Variants in AP3M1 observed in about 807,000 individuals in gnomAD.
AP3M1 encodes the protein AP-3 complex subunit mu-1.
A neutral mutation model predicts 42.6 loss-of-function variants in AP3M1; 29 were observed. That is an observed-to-expected ratio of 0.68 (90% CI 0.51 to 0.93). The LOEUF is 0.93. Among genes scored for constraint, AP3M1 ranks in the 40% least tolerant of loss-of-function variants. The probability of loss-of-function intolerance (pLI) is 0.00; values close to 1 mark genes in which losing one functional copy is unlikely to be tolerated. For synonymous variants in AP3M1, 178 were observed against 175.3 expected (o/e 1.02, Z -0.12); for missense variants, 416 against 510.2 (o/e 0.82, Z 1.78).
rs1256674665 is a variant in AP3M1 at position 74,122,081 on chromosome 10, A to G, written c.*1729T>C. 6.6e-6 allele frequency: 1 copy of G among 152,214 alleles called. No homozygotes were observed. Among genetic ancestry groups the G allele is most frequent in the Non-Finnish European group, 1.5e-5 (1 of 68,042 alleles). The allele number at this position is 152,214 out of a possible 1,614,324, so 9.4% of individuals were successfully genotyped here. A position where few individuals can be genotyped will look rare whatever the true frequency, so the allele number is the denominator to read the frequency against. Reference sequence around the variant, plus strand: ...GTCAAGACATTAAAAATAAAAAGCAATTGAACCGGGTAGCCAAACTTAGGC... The same window carrying G: ...GTCAAGACATTAAAAATAAAAAGCAGTTGAACCGGGTAGCCAAACTTAGGC... On this transcript the variant is annotated 3_prime_UTR_variant, in exon 9 of 9. Transcript: ENST00000355264.
chr10:74,133,556 G>A (rs531000075), intron 4 of AP3M1, among the ~76,000 whole-genome samples: 4 of 152,000 alleles, frequency 2.6e-5, no homozygotes, highest in South Asian at 4.2e-4. Flanking sequence ...GTGAGACCCC[G>A]TCTCAAATAA....
intron 1 of AP3M1, among the ~76,000 whole-genome samples, chr10:74,148,425 C>T (rs1841401484): frequency 6.6e-6 from 1 of 152,150 alleles, no homozygotes; most frequent in Non-Finnish European, 1.5e-5. Flanking sequence ...GGAGAGAGGT[C>T]ATTTCCAAAG....
intron 6 of AP3M1, among the ~76,000 whole-genome samples, chr10:74,126,802 C>T (rs1270298173): frequency 6.6e-6 from 1 of 151,042 alleles, no homozygotes; most frequent in African/African-American, 2.4e-5. Flanking sequence ...GAAACCTCGT[C>T]TCTACTAAAA....
At chr10:74,128,642 T>C (rs903950726) in intron 6 of AP3M1, among the ~76,000 whole-genome samples, 2 of 152,070 alleles carry the variant, frequency 1.3e-5, no homozygotes, top group Non-Finnish European at 2.9e-5. Context: ...TCTGTCTCCT[T>C]GTTGGCCACA....
rs529931208 is a variant in AP3M1, at chr10:74,134,413, T to G, written c.446-249A>C. 3.9e-5 allele frequency among the ~76,000 whole-genome samples: 6 copies of G among 152,352 alleles called. No individual in the cohort carries two copies. The East Asian group carries it at 1.2e-3, about 29-fold the overall frequency. ...TTATTTACTTATCTTTTGCCTCCTG[T>G]GTGTTAACAGTAATCTAATCTAATT... On this transcript the variant is annotated intron_variant, in intron 3 of 8. Coordinates refer to ENST00000355264, the MANE Select transcript of AP3M1 (RefSeq NM_012095.6).
At chr10:74,128,427 CAG>C (rs1232401828) in intron 6 of AP3M1, among the ~76,000 whole-genome samples, 1 of 151,892 alleles carries the variant, frequency 6.6e-6, no homozygotes, top group African/African-American at 2.4e-5. Flanking sequence ...TTAGTAGAGA[CAG>C]GGTTTCACCA....
intron 6 of AP3M1, among the ~76,000 whole-genome samples, chr10:74,127,118 A>C (rs1840642171): frequency 6.6e-6 from 1 of 152,130 alleles, no homozygotes; most frequent in Non-Finnish European, 1.5e-5. Flanking sequence ...TAAAGTATAC[A>C]GGAGGATGTG....
intron 1 of AP3M1, among the ~76,000 whole-genome samples, chr10:74,145,623 CATT>C (rs1205605352): frequency 6.6e-6 from 1 of 152,130 alleles, no homozygotes; most frequent in Admixed American, 6.6e-5. Flanking sequence ...ACTACACACT[CATT>C]ATTACCACAA....
Position 74,135,104 on chromosome 10 carries a change from C to A in AP3M1, c.446-940G>T, listed in dbSNP as rs891322719. 2.0e-5 allele frequency among the ~76,000 whole-genome samples: 3 copies of A among 152,156 alleles called. No individual in the cohort carries two copies. In the East Asian group the frequency reaches 5.8e-4, roughly 29 times the overall value. On this transcript the variant is annotated intron_variant, in intron 3 of 8. Transcript: ENST00000355264. ...GGTGTTCCTACCTGCAACCTATAAT[C>A]ATGTTATCTTCCTGCTCAAAAACGT...
chr10:74,135,690 T>C (rs1193789196), intron 3 of AP3M1, among the ~76,000 whole-genome samples: 1 of 152,254 alleles, frequency 6.6e-6, no homozygotes, highest in Non-Finnish European at 1.5e-5. Flanking sequence ...CCAATGCTAT[T>C]ACTTTATCTG....
At position 74,139,684 on chromosome 10, in the gene AP3M1, G is replaced by A. The variant is rs566052853; in HGVS notation, c.-3-1302C>T. ...TGTAATCCCAACACTTTGGGAGGCC[G>A]AGGTGGGTGGATCACGAGGTCAGGA... On this transcript the variant is annotated intron_variant, in intron 1 of 8. Transcript: ENST00000355264. Among the ~76,000 whole-genome samples the A allele has an allele frequency of 2.0e-5, 3 of 151,796 alleles. No homozygotes were observed. In the South Asian group the frequency reaches 6.2e-4, roughly 32 times the overall value.
chr10:74,127,258 G>C (rs951486231), intron 6 of AP3M1, among the ~76,000 whole-genome samples: 3 of 152,092 alleles, frequency 2.0e-5, no homozygotes, highest in Non-Finnish European at 4.4e-5. Flanking sequence ...ATCTACACAA[G>C]GGGGAGCTGA....
rs1203098258 is a variant in AP3M1 at position 74,134,062 on chromosome 10, A to T, written c.548T>A (p.Val183Asp). 6.2e-7 allele frequency: 1 copy of T among 1,614,010 alleles called. No individual in the cohort carries two copies. The highest frequency in any genetic ancestry group is 8.5e-7 in the Non-Finnish European group (1 of 1,180,010). Residue 183 changes from valine (V) to aspartate (D), a missense_variant, in exon 4 of 9, where the codon GTT (valine) becomes GAT (aspartate). Val to Asp is a radical substitution (Grantham distance 152, BLOSUM62 -3). Coordinates refer to ENST00000355264, the MANE Select transcript of AP3M1 (RefSeq NM_012095.6). ...TATAATTGCGTCTATTTCTTCAACA[A>T]CATCAAAATAGGCTTCATTGTTTGT... ...KYTNNEAYFD[V>D]VEEIDAIIDK...
In AP3M1 at chr10:74,120,348, A is replaced by G. The variant is rs934127940; in HGVS notation, c.*3462T>C. Reference sequence around the variant, plus strand: ...TACTTAACAAGGATGTGTGTAATACAAGACAACCCTGGGGATTACACACTT... The same window carrying G: ...TACTTAACAAGGATGTGTGTAATACGAGACAACCCTGGGGATTACACACTT... On this transcript the variant is annotated 3_prime_UTR_variant, in exon 9 of 9. Transcript: ENST00000355264. 1 of 152,260 alleles carries G rather than the reference A, an allele frequency of 6.6e-6. No homozygotes were observed. Among genetic ancestry groups the G allele is most frequent in the Non-Finnish European group, 1.5e-5 (1 of 68,044 alleles). 9.4% of individuals were successfully genotyped at this position (152,260 alleles called of 1,614,324 possible).
At chr10:74,131,059 C>T (rs1426083936) in intron 4 of AP3M1, among the ~76,000 whole-genome samples, 2 of 152,140 alleles carry the variant, frequency 1.3e-5, no homozygotes, top group East Asian at 1.9e-4. Context: ...TTGCAGTGAG[C>T]TGAAACCACA....
chr10:74,124,369 C>CTTA lies in AP3M1; in HGVS notation c.1156+8_1156+10dup. On this transcript the variant is annotated intron_variant, in intron 8 of 8. Coordinates refer to ENST00000355264, the MANE Select transcript of AP3M1 (RefSeq NM_012095.6). Reference sequence around the variant, plus strand: ...CAATTACCCTTAACTACAAGTCAACCTTATCCTTACCTGAAATAGCAAGCT... The same window carrying CTTA: ...CAATTACCCTTAACTACAAGTCAACCTTATTATCCTTACCTGAAATAGCAAGCT... 1.2e-6 allele frequency: 2 copies of CTTA among 1,602,056 alleles called. No homozygotes were observed. The highest frequency in any genetic ancestry group is 2.3e-5 in the South Asian group (2 of 87,860).
At chr10:74,143,803 T>C (rs1841234644) in intron 1 of AP3M1, among the ~76,000 whole-genome samples, 1 of 152,198 alleles carries the variant, frequency 6.6e-6, no homozygotes, top group Admixed American at 6.5e-5. Context: ...AGACTAATTA[T>C]TAGGAACACG....
intron 6 of AP3M1, among the ~76,000 whole-genome samples, chr10:74,128,296 A>AGTG (rs1840679861): frequency 6.7e-6 from 1 of 150,032 alleles, no homozygotes; most frequent in African/African-American, 2.5e-5. Flanking sequence ...GCTGTAGTGC[A>AGTG]GTGGTGTGAT....
In AP3M1 at chr10:74,134,087, T is replaced by G. The variant is rs763235391; in HGVS notation, c.523A>C (p.Thr175Pro). 34 of 1,614,234 alleles carry G rather than the reference T, an allele frequency of 2.1e-5. 1 individual carries two copies. The highest frequency in any genetic ancestry group is 2.8e-5 in the Non-Finnish European group (33 of 1,180,028). The change falls in exon 4 of 9, where the codon ACA becomes CCA. Residue 175 changes from threonine to proline, a missense_variant. Coordinates refer to ENST00000355264, the MANE Select transcript of AP3M1 (RefSeq NM_012095.6). ...ACATCAAAATAGGCTTCATTGTTTGTGTACTTTACCCCTGCCCGACGCCAT... is the reference window on the plus strand; with the variant it reads ...ACATCAAAATAGGCTTCATTGTTTGGGTACTTTACCCCTGCCCGACGCCAT... ...IPWRRAGVKY[T>P]NNEAYFDVVE...
Sources: gnomAD v4.1 joint callset for allele counts (sites outside exome capture counted in the v4.1 genomes callset) on GRCh38, gnomAD v4.1.1 for gene constraint, MANE v1.5 for transcripts, NCBI Gene and HGNC (gene_info 2026-07-23, HGNC 2026-07-21) for gene names.